The following ZNF621 variants were observed in gnomAD, a reference collection of about 807,000 sequenced individuals.
The protein encoded by ZNF621 is zinc finger protein 621.
Under a neutral mutation model 12.7 loss-of-function variants are expected in ZNF621, and 6 were observed. The observed-to-expected ratio is 0.47, with a 90% CI of 0.26 to 0.93. ZNF621 has a LOEUF of 0.93. Ranked by LOEUF, ZNF621 falls within the 40% of genes least tolerant of loss-of-function variation. ZNF621 has a pLI of 0.15. For synonymous variants in ZNF621, 156 were observed against 190.3 expected, an observed-to-expected ratio of 0.82 and a Z score of 1.48; for missense variants, 474 against 524.0, an observed-to-expected ratio of 0.90 and a Z score of 0.93.
intron 4 of ZNF621, among the ~76,000 whole-genome samples, 184 bp from the exon 5 acceptor site, chr3:40,531,846 G>A (rs771531358): frequency 2.0e-5 from 3 of 152,196 alleles, no homozygotes. Context: ...TTACAGGCAT[G>A]AGCCACCACA....
intron 2 of ZNF621, 38 bp from the exon 3 acceptor site, chr3:40,529,281 T>G: frequency 6.2e-7 from 1 of 1,606,054 alleles, no homozygotes; most frequent in Non-Finnish European, 8.5e-7. Flanking sequence ...TTCCTTCTAC[T>G]TCTCACTCAG....
chr3:40,524,835 G>T (rs79153729), upstream of ZNF621: 136 of 152,490 alleles, frequency 8.9e-4, 2 homozygotes, highest in East Asian at 0.023. Flanking sequence ...CAGCCCAGCC[G>T]GTCGCCGCAA....
chr3:40,529,164 C>G, intron 2 of ZNF621, 155 bp from the exon 3 acceptor site: 1 of 820,148 alleles, frequency 1.2e-6, no homozygotes, highest in Non-Finnish European at 1.9e-6. Context: ...GAGGGCTCGC[C>G]CCTGGCTGTG....
intron 1 of ZNF621, 139 bp downstream of exon 1, chr3:40,525,413 T>C (rs1436079568): frequency 1.6e-5 from 4 of 257,222 alleles, no homozygotes; most frequent in Non-Finnish European, 2.2e-5. Flanking sequence ...GCCACCCCAG[T>C]CCCTCTTCTC....
rs1698545081 is a variant in ZNF621, at chr3:40,525,089, A to G, written c.-248A>G. The stretch of plus-strand genomic sequence containing the variant: ...TGCCCCTGGCGGCTCGTCAGCCCCC[A>G]CTACCCCTGAACTTGGTCCCAATGG... On this transcript the variant is annotated 5_prime_UTR_variant, in exon 1 of 5. Transcript: ENST00000339296. 6.6e-6 allele frequency: 1 copy of G among 151,384 alleles called. No homozygotes were observed. The highest frequency in any genetic ancestry group is 1.5e-5 in the Non-Finnish European group (1 of 67,972). The allele number at this position is 151,384 out of a possible 1,614,324, so 9.4% of individuals were successfully genotyped here.
upstream of ZNF621, among the ~76,000 whole-genome samples, chr3:40,523,795 A>G (rs1698513204): frequency 8.1e-6 from 1 of 123,956 alleles, no homozygotes; most frequent in Non-Finnish European, 1.6e-5. Context: ...AAACAAGCAA[A>G]AAAAAAAAAA....
In ZNF621 at chr3:40,534,247, A is replaced by G. The variant is rs1356562417; in HGVS notation, c.*1157A>G. 1 of 152,064 alleles carries G rather than the reference A, an allele frequency of 6.6e-6. No individual in the cohort carries two copies. Among genetic ancestry groups the G allele is most frequent in the Non-Finnish European group, 1.5e-5 (1 of 68,018 alleles). 9.4% of individuals were successfully genotyped at this position (152,064 alleles called of 1,614,324 possible). ...CGAGGGGAATCTGAATAAGCTTCCA[A>G]AATTTTTTTTTTTAAGAAATAAAGG... On this transcript the variant is annotated 3_prime_UTR_variant, in exon 5 of 5. Coordinates refer to ENST00000339296, the MANE Select transcript of ZNF621 (RefSeq NM_198484.5).
intron 2 of ZNF621, among the ~76,000 whole-genome samples, chr3:40,527,179 G>A (rs924375286): frequency 2.0e-5 from 3 of 151,926 alleles, no homozygotes; most frequent in South Asian, 2.1e-4. Flanking sequence ...CACCACGTCC[G>A]GCTAATTTTT....
chr3:40,523,626 G>C (rs1158204543), upstream of ZNF621, among the ~76,000 whole-genome samples: 1 of 152,070 alleles, frequency 6.6e-6, no homozygotes, highest in Non-Finnish European at 1.5e-5. Context: ...TTAGCTGGGC[G>C]TGGTGGCGGG....
chr3:40,532,544 G>C lies in ZNF621; in HGVS notation c.774G>C (p.Thr258=). The stretch of plus-strand genomic sequence containing the variant: ...ACCTGCAGCATCAGAGATTACACAC[G>C]GGAGAGAAACTCTATAAATGTAAGG... The part of the protein sequence containing the change: ...AAYLQHQRLH[T]GEKLYKCKEC... The change falls in exon 5 of 5, where the codon ACG becomes ACC. Residue 258 remains threonine, a synonymous_variant. Coordinates refer to ENST00000339296, the MANE Select transcript of ZNF621 (RefSeq NM_198484.5). 1 of 1,614,070 alleles carries C rather than the reference G, an allele frequency of 6.2e-7. No homozygotes were observed.
intron 3 of ZNF621, chr3:40,529,653 C>G: frequency 3.0e-6 from 4 of 1,329,004 alleles, no homozygotes; most frequent in East Asian, 7.3e-5. Flanking sequence ...GACAGAGTCT[C>G]GCTCTGTCAC....
Position 40,537,926 on chromosome 3 carries a change from T to G in ZNF621, c.*4836T>G, listed in dbSNP as rs908649306. Among the ~76,000 whole-genome samples, 9 of 152,330 alleles carry G rather than the reference T, an allele frequency of 5.9e-5. No individual in the cohort carries two copies. The highest frequency in any genetic ancestry group is 2.2e-4 in the African/African-American group (9 of 41,582). On this transcript the variant is annotated 3_prime_UTR_variant, in exon 5 of 5. Transcript: ENST00000339296. ...TCAGTGTATTCCAAACAGCCTTCTT[T>G]TGGAAGAAGAAACCATCTAGGACTT...
Position 40,530,225 on chromosome 3 carries a change from C to T in ZNF621, c.168C>T (p.Pro56=). Residue 56 remains proline, a synonymous_variant, in exon 4 of 5, where the codon CCC becomes CCT. Coordinates refer to ENST00000339296, the MANE Select transcript of ZNF621 (RefSeq NM_198484.5). ...NVASLVAFPF[P]KPALISHLER... is the part of the protein sequence containing the mutation. ...TTCATGAAGTAGCGTTTCCATTCCC[C>T]AAACCTGCTCTGATCTCCCACCTGG... 1 of 1,613,510 alleles carries T rather than the reference C, an allele frequency of 6.2e-7. No homozygotes were observed. The highest frequency in any genetic ancestry group is 8.5e-7 in the Non-Finnish European group (1 of 1,179,686).
At position 40,536,861 on chromosome 3, in the gene ZNF621, T is replaced by C. The variant is rs1171869203; in HGVS notation, c.*3771T>C. ...ATTTTTCTGTGTCTTACACAGAAACTTAAAATATTTCAAACTTTTCATTAT... is the reference window on the plus strand; with the variant it reads ...ATTTTTCTGTGTCTTACACAGAAACCTAAAATATTTCAAACTTTTCATTAT... On this transcript the variant is annotated 3_prime_UTR_variant, in exon 5 of 5. Transcript: ENST00000339296. 1 of 152,198 alleles carries C rather than the reference T, an allele frequency of 6.6e-6. No homozygotes were observed. Among genetic ancestry groups the C allele is most frequent in the Non-Finnish European group, 1.5e-5 (1 of 68,028 alleles). The allele number at this position is 152,198 out of a possible 1,614,324, so 9.4% of individuals were successfully genotyped here. A position where few individuals can be genotyped will look rare whatever the true frequency, so the allele number is the denominator to read the frequency against.
In ZNF621 at chr3:40,532,989, A is replaced by G. The variant is rs779954952; in HGVS notation, c.1219A>G (p.Ile407Val). Reference protein sequence around the residue: ...NFFMLLPTSGIPSSSAQIVRV... With the variant: ...NFFMLLPTSGVPSSSAQIVRV... ...TTTCATGCTGCTGCCTACATCTGGAATACCTTCTTCATCTGCCCAAATAGT... is the reference window on the plus strand; with the variant it reads ...TTTCATGCTGCTGCCTACATCTGGAGTACCTTCTTCATCTGCCCAAATAGT... Residue 407 changes from isoleucine (I) to valine (V), a missense_variant, in exon 5 of 5, where the codon ATA becomes GTA. Coordinates refer to ENST00000339296, the MANE Select transcript of ZNF621 (RefSeq NM_198484.5). 1.5e-5 allele frequency: 24 copies of G among 1,551,758 alleles called. No homozygotes were observed. The South Asian group carries it at 2.0e-4, about 13-fold the overall frequency.
chr3:40,528,116 A>T (rs1410984821), intron 2 of ZNF621, among the ~76,000 whole-genome samples: 1 of 152,210 alleles, frequency 6.6e-6, no homozygotes, highest in Non-Finnish European at 1.5e-5. Flanking sequence ...TGCCCTAAAA[A>T]TACCTTATGC....
At chr3:40,523,769 A>G (rs9758654), upstream of ZNF621, among the ~76,000 whole-genome samples, 1 of 146,394 alleles carries the variant, frequency 6.8e-6, no homozygotes, top group Non-Finnish European at 1.5e-5. Context: ...CCGTCTCAAA[A>G]AAACAAACAA....
intron 2 of ZNF621, among the ~76,000 whole-genome samples, chr3:40,527,274 C>T (rs1035415391): frequency 8.5e-5 from 13 of 152,230 alleles, no homozygotes; most frequent in Middle Eastern, 3.4e-3. Context: ...GCCTCAGCCT[C>T]CCAAAGTGTT....
In ZNF621 at chr3:40,534,996, T is replaced by G. The variant is rs1431797171; in HGVS notation, c.*1906T>G. 1 of 152,258 alleles carries G rather than the reference T, an allele frequency of 6.6e-6. No homozygotes were observed. Among genetic ancestry groups the G allele is most frequent in the Non-Finnish European group, 1.5e-5 (1 of 68,056 alleles). The allele number at this position is 152,258 out of a possible 1,614,324, so 9.4% of individuals were successfully genotyped here. A position where few individuals can be genotyped will look rare whatever the true frequency, so the allele number is the denominator to read the frequency against. On this transcript the variant is annotated 3_prime_UTR_variant, in exon 5 of 5. Coordinates refer to ENST00000339296, the MANE Select transcript of ZNF621 (RefSeq NM_198484.5). ...ATTTTTGGAGTCCACTTAACTCCCC[T>G]GCTTTCCTAGGCCACTACTTTATAC...
Sources: allele counts gnomAD v4.1 joint callset (sites outside exome capture counted in the v4.1 genomes callset), GRCh38; gene constraint gnomAD v4.1.1; transcripts MANE v1.5; gene names NCBI Gene and HGNC (gene_info 2026-07-23, HGNC 2026-07-21).